The following MYH10 variants were observed in gnomAD, a reference collection of about 807,000 sequenced individuals.
MYH10 encodes the protein myosin heavy chain 10.
A neutral mutation model predicts 257.8 loss-of-function variants in MYH10; 55 were observed. The ratio of observed to expected loss-of-function variants is 0.21; its 90% confidence interval spans 0.17 to 0.27. MYH10 has a LOEUF of 0.27. Ranked by LOEUF, MYH10 falls within the 10% of genes least tolerant of loss-of-function variation. MYH10 has a pLI of 1.00. For synonymous variants in MYH10, 854 were observed against 921.7 expected, an observed-to-expected ratio of 0.93 and a Z score of 1.33; for missense variants, 1,631 against 2,500.6, an observed-to-expected ratio of 0.65 and a Z score of 7.42.
chr17:8,592,972 A>AAG (rs2084229339), intron 3 of MYH10, among the ~76,000 whole-genome samples: 1 of 25,958 alleles, frequency 3.9e-5, no homozygotes, highest in Admixed American at 5.2e-4. Flanking sequence ...TATATATATA[A>AAG]AAGATGATGC....
At chr17:8,546,754 A>AT in intron 11 of MYH10, 92 bp from the exon 12 acceptor site, 1 of 833,338 alleles carries the variant, frequency 1.2e-6, no homozygotes, top group Middle Eastern at 2.9e-4. Context: ...CTTAGTAACA[A>AT]TTAAATTGTA....
At chr17:8,534,302 C>T (rs1456201903) in intron 16 of MYH10, among the ~76,000 whole-genome samples, 1 of 152,144 alleles carries the variant, frequency 6.6e-6, no homozygotes, top group Non-Finnish European at 1.5e-5. Flanking sequence ...CTCGTCTTTC[C>T]CCCAGGTCCC....
intron 1 of MYH10, among the ~76,000 whole-genome samples, chr17:8,623,989 G>T (rs1008502927): frequency 6.6e-6 from 1 of 152,048 alleles, no homozygotes; most frequent in African/African-American, 2.4e-5. Flanking sequence ...TTCCCCTGCC[G>T]GATCTCTCGC....
chr17:8,566,964 AGGGTATGGTTTGAG>A (rs984539790), intron 7 of MYH10, among the ~76,000 whole-genome samples: 5 of 152,122 alleles, frequency 3.3e-5, no homozygotes, highest in African/African-American at 1.2e-4. Context: ...TCTTGAATTT[AGGGTATGGTTTGAG>A]GGCTGGGGGT....
At chr17:8,596,457 T>C (rs2084374866) in intron 3 of MYH10, among the ~76,000 whole-genome samples, 1 of 152,198 alleles carries the variant, frequency 6.6e-6, no homozygotes, top group South Asian at 2.1e-4. Flanking sequence ...TGGCCCATTT[T>C]CTGACTTTTT....
chr17:8,531,529 A>C (rs2082001966), intron 16 of MYH10, among the ~76,000 whole-genome samples: 1 of 151,112 alleles, frequency 6.6e-6, no homozygotes, highest in South Asian at 2.1e-4. Context: ...CTAAAACTCT[A>C]ACACAAACTC....
At chr17:8,550,661 C>T (rs1212536259) in intron 9 of MYH10, among the ~76,000 whole-genome samples, 3 of 152,134 alleles carry the variant, frequency 2.0e-5, no homozygotes, top group South Asian at 2.1e-4. Context: ...TCATTGAGAG[C>T]GGGCCAGGAT....
intron 36 of MYH10, among the ~76,000 whole-genome samples, chr17:8,485,457 CTTTTTT>C (rs138894418): frequency 2.4e-4 from 29 of 121,160 alleles, no homozygotes; most frequent in African/African-American, 7.4e-4. Context: ...CCCAAGCTGG[CTTTTTT>C]TTTTTTTTTT....
intron 24 of MYH10, chr17:8,511,014 C>CCATATATATATATATATATATATATA (rs2081250718): frequency 1.4e-5 from 1 of 73,528 alleles, no homozygotes; most frequent in Non-Finnish European, 2.5e-5. Flanking sequence ...CTCATGTACC[C>CCATATATATATATATATATATATATA]CATATATATA....
At chr17:8,582,735 G>C (rs144694265) in intron 4 of MYH10, among the ~76,000 whole-genome samples, 470 of 152,384 alleles carry the variant, frequency 3.1e-3, no homozygotes, top group Non-Finnish European at 3.3e-3. Context: ...TAAAGAAGCA[G>C]TGATGCAGAT....
chr17:8,475,815 G>A lies in MYH10; in HGVS notation c.6013C>T (p.Gln2005Ter), dbSNP rs1343446178. 6.2e-7 allele frequency: 1 copy of A among 1,613,938 alleles called. No homozygotes were observed. Among genetic ancestry groups the A allele is most frequent in the Admixed American group, 1.7e-5 (1 of 60,000 alleles). The change falls in exon 43 of 43, where the codon CAG becomes TAG. Residue 2005 changes from glutamine (Q) to a stop codon, truncating the protein, a stop_gained. Transcript: ENST00000360416. LOFTEE classifies it high-confidence loss of function. ...GGCTTCCTGCAACTTTACTCTGACT[G>A]GGGTGGCTGCGTCTCGTTGACATCA... ...TSDVNETQPP[Q>*]SE is the part of the protein sequence containing the mutation.
At chr17:8,616,587 C>A (rs186881692) in intron 2 of MYH10, among the ~76,000 whole-genome samples, 169 of 151,678 alleles carry the variant, frequency 1.1e-3, no homozygotes, top group Non-Finnish European at 1.7e-3. Flanking sequence ...AAAAGATGTA[C>A]CTGGCCTCTA....
At position 8,484,818 on chromosome 17, in the gene MYH10, G is replaced by A. The variant is rs1372423625; in HGVS notation, c.5047-552C>T. On this transcript the variant is annotated intron_variant, in intron 36 of 42. Transcript: ENST00000360416. ...GAAATTTCTTCAACTCTGATTAAGG[G>A]CATCAATGAAAAACTGACAGCCAAT... 2.6e-5 allele frequency among the ~76,000 whole-genome samples: 4 copies of A among 152,122 alleles called. No homozygotes were observed. In the East Asian group the frequency reaches 7.7e-4, roughly 29 times the overall value.
intron 6 of MYH10, chr17:8,573,842 A>G (rs1418348534): frequency 1.0e-6 from 1 of 975,772 alleles, no homozygotes; most frequent in Non-Finnish European, 1.2e-6. Flanking sequence ...TTTAAAAGGT[A>G]AACATAAAAG....
chr17:8,496,832 G>T (rs1277822964), intron 30 of MYH10, among the ~76,000 whole-genome samples: 2 of 152,074 alleles, frequency 1.3e-5, no homozygotes, highest in Admixed American at 6.5e-5. Context: ...GAACAATAAG[G>T]GTGGCTTTTC....
At chr17:8,497,738 C>CAAAAAAAAAAAAAAAAAAAAAAAAA (rs559562540) in intron 30 of MYH10, among the ~76,000 whole-genome samples, 1 of 56,874 alleles carries the variant, frequency 1.8e-5, no homozygotes, top group Non-Finnish European at 2.9e-5. Flanking sequence ...GACTCTGTCT[C>CAAAAAAAAAAAAAAAAAAAAAAAAA]AAAAAAAAAA....
intron 36 of MYH10, among the ~76,000 whole-genome samples, chr17:8,486,001 G>A (rs562255251): frequency 2.4e-4 from 36 of 152,332 alleles, no homozygotes; most frequent in African/African-American, 7.5e-4. Context: ...TAATAAAAAG[G>A]AGTGCGGTAC....
At chr17:8,559,205 T>C (rs2082905094) in intron 7 of MYH10, among the ~76,000 whole-genome samples, 1 of 152,198 alleles carries the variant, frequency 6.6e-6, no homozygotes, top group African/African-American at 2.4e-5. Flanking sequence ...TCTACCATGC[T>C]ATCTGTCTCT....
intron 3 of MYH10, among the ~76,000 whole-genome samples, chr17:8,595,221 T>C (rs937012703): frequency 2.0e-5 from 3 of 152,188 alleles, no homozygotes; most frequent in African/African-American, 7.2e-5. Context: ...CTAGCGTTTA[T>C]TTATTTTTGG....
Sources: gnomAD v4.1 joint callset for allele counts (sites outside exome capture counted in the v4.1 genomes callset) on GRCh38, gnomAD v4.1.1 for gene constraint, MANE v1.5 for transcripts, NCBI Gene and HGNC (gene_info 2026-07-23, HGNC 2026-07-21) for gene names.